LIG3: variants seen among roughly 807,000 people sequenced by gnomAD.
LIG3 encodes the protein DNA ligase 3.
In LIG3, 58 loss-of-function variants were observed where a neutral mutation model predicts 110.9. The ratio of observed to expected loss-of-function variants is 0.52; its 90% CI spans 0.42 to 0.65. The LOEUF is 0.65. LIG3 is among the 30% of genes least tolerant of loss of function. The pLI is 0.00. For synonymous variants in LIG3, 422 were observed against 472.8 expected, an observed-to-expected ratio of 0.89 and a Z score of 1.39; for missense variants, 1,094 against 1,273.8, an observed-to-expected ratio of 0.86 and a Z score of 2.15.
At chr17:35,004,247 C>T (rs1250651163) in intron 19 of LIG3, 26 bp from the exon 20 acceptor site, 2 of 1,589,002 alleles carry the variant, frequency 1.3e-6, no homozygotes, top group South Asian at 1.1e-5. Context: ...AGGTCTGACC[C>T]CACCCTGACC....
At position 34,989,762 on chromosome 17, in the gene LIG3, T is replaced by C. The variant is rs564692224; in HGVS notation, c.889+99T>C. The C allele has an allele frequency of 1.3e-5, 15 of 1,143,924 alleles. No individual in the cohort carries two copies. The East Asian group carries it at 3.3e-4, about 25-fold the overall frequency. The allele number at this position is 1,143,924 out of a possible 1,614,324, so 70.9% of individuals were successfully genotyped here. ...AGCTGTATAGTTGCCCGGGATCCCA[T>C]GCTTGGTTTAATGCTGTACTGTAGT... On this transcript the variant is annotated intron_variant, in intron 4 of 19. Coordinates refer to ENST00000378526, the MANE Select transcript of LIG3 (RefSeq NM_013975.4).
chr17:34,995,363 T>C (rs1352013048), intron 9 of LIG3, among the ~76,000 whole-genome samples: 3 of 152,200 alleles, frequency 2.0e-5, no homozygotes, highest in African/African-American at 4.8e-5. Flanking sequence ...TCTGGTGAGG[T>C]TGGTGTTAAA....
chr17:34,991,052 G>C lies in LIG3; in HGVS notation c.979G>C (p.Val327Leu), dbSNP rs141783152. 207 of 1,614,080 alleles carry C rather than the reference G, an allele frequency of 1.3e-4. No homozygotes were observed. The highest frequency in any genetic ancestry group is 6.6e-4 in the Middle Eastern group (4 of 6,084). The change falls in exon 5 of 20, where the codon GTG becomes CTG. Residue 327 changes from valine (V) to leucine (L), a missense_variant. By Grantham distance (32) the Val-to-Leu change is conservative (BLOSUM62 1). Transcript: ENST00000378526. ...TVYNLNDKQI[V>L]KLFSRIFNCN... ...TTACAACTTGAACGATAAGCAGATTGTGAAGCTTTTCAGTCGCATTTTTAA... is the reference window on the plus strand; with the variant it reads ...TTACAACTTGAACGATAAGCAGATTCTGAAGCTTTTCAGTCGCATTTTTAA...
chr17:34,999,009 T>C (rs540444167), intron 14 of LIG3: 2 of 504,982 alleles, frequency 4.0e-6, no homozygotes, highest in East Asian at 6.3e-5. Flanking sequence ...AAAATCTCTT[T>C]CCTGACTGGA....
chr17:34,990,696 T>C (rs2090710098), intron 4 of LIG3, among the ~76,000 whole-genome samples: 1 of 152,232 alleles, frequency 6.6e-6, no homozygotes, highest in Admixed American at 6.5e-5. Context: ...CCTCCTGAGC[T>C]AAAGCAACCC....
At chr17:34,992,093 A>C in intron 7 of LIG3, 58 bp downstream of exon 7, 1 of 1,492,636 alleles carries the variant, frequency 6.7e-7, no homozygotes. Context: ...GTTTGTTCCC[A>C]ACTGGTGTCA....
Position 35,006,571 on chromosome 17 carries a change from A to G in LIG3, c.*2065A>G, listed in dbSNP as rs547124436. 23 of 152,374 alleles carry G rather than the reference A, an allele frequency of 1.5e-4. No individual in the cohort carries two copies. The highest frequency in any genetic ancestry group is 4.6e-4 in the African/African-American group (19 of 41,574). The allele number at this position is 152,374 out of a possible 1,614,324, so 9.4% of individuals were successfully genotyped here. On this transcript the variant is annotated 3_prime_UTR_variant, in exon 20 of 20. Transcript: ENST00000378526. ...GTTGGGAACGTCACTCCTGGTGTGC[A>G]TGTCCAGACCCTACCCGGGAGAAGG... is the stretch of plus-strand genomic sequence containing the variant.
intron 3 of LIG3, among the ~76,000 whole-genome samples, chr17:34,986,524 G>A (rs1231307174): frequency 3.3e-5 from 5 of 152,216 alleles, no homozygotes; most frequent in South Asian, 4.1e-4. Flanking sequence ...GTTTCGCCAC[G>A]TTGGCCAGGC....
At position 34,998,585 on chromosome 17, in the gene LIG3, CTCTT is replaced by C. The variant is rs147265750; in HGVS notation, c.1990-17_1990-14del. 7,682 of 1,613,422 alleles carry C rather than the reference CTCTT, an allele frequency of 4.8e-3. 300 individuals are homozygous for C. The East Asian group carries it at 0.091, about 19-fold the overall frequency. ...GAGTTGCCTTTCTATTCTGTGGTCTCTCTTTTGCTTCCCTTCAGGGTACATATGA... is the reference window on the plus strand; with the variant it reads ...GAGTTGCCTTTCTATTCTGTGGTCTCTTGCTTCCCTTCAGGGTACATATGA... On this transcript the variant is annotated splice_polypyrimidine_tract_variant and intron_variant, in intron 13 of 19. Transcript: ENST00000378526.
chr17:34,981,858 T>C (rs1010749401), intron 1 of LIG3, among the ~76,000 whole-genome samples: 5 of 152,238 alleles, frequency 3.3e-5, no homozygotes, highest in African/African-American at 1.2e-4. Context: ...TGATATAATC[T>C]TTTTCCATTT....
chr17:34,995,189 C>T (rs1305920538), intron 9 of LIG3, among the ~76,000 whole-genome samples: 1 of 152,168 alleles, frequency 6.6e-6, no homozygotes, highest in Non-Finnish European at 1.5e-5. Flanking sequence ...GTTGTGTGGC[C>T]TGTGCTTACC....
rs1390467887 is a variant in LIG3 at position 35,006,802 on chromosome 17, G to C, written c.*2296G>C. ...AAGATCAAGGACCACTGCGCCCCCT[G>C]GCCACCCCACCGCCCCCCCCCAACT... On this transcript the variant is annotated 3_prime_UTR_variant, in exon 20 of 20. Transcript: ENST00000378526. The C allele has an allele frequency of 6.7e-6, 1 of 149,520 alleles. No individual in the cohort carries two copies. Among genetic ancestry groups the C allele is most frequent in the Non-Finnish European group, 1.5e-5 (1 of 67,986 alleles). The allele number at this position is 149,520 out of a possible 1,614,324, so 9.3% of individuals were successfully genotyped here.
In LIG3 at chr17:34,983,203, A is replaced by G. The variant is rs1306244218; in HGVS notation, c.198A>G (p.Ser66=). 2 of 1,614,210 alleles carry G rather than the reference A, an allele frequency of 1.2e-6. No homozygotes were observed. The highest frequency in any genetic ancestry group is 2.2e-5 in the East Asian group (1 of 44,890). The change falls in exon 2 of 20, where the codon TCA becomes TCG. Residue 66 remains serine (S), a synonymous_variant. Transcript: ENST00000378526. The part of the protein sequence containing the change: ...VLSFQGSHLR[S]RATYLVFLPG... ...CATTCCAGGGAAGCCATCTAAGATC[A>G]CGTGCCACCTACCTTGTTTTCTTGC...
At chr17:34,998,483 T>C (rs1354603243) in intron 13 of LIG3, 121 bp from the exon 14 acceptor site, 3 of 1,299,566 alleles carry the variant, frequency 2.3e-6, no homozygotes, top group Non-Finnish European at 3.3e-6. Context: ...GCCTGGAGCC[T>C]GAGGGCTCTT....
In LIG3 at chr17:34,982,383, G is replaced by A. The variant is rs192946845; in HGVS notation, c.-4-619G>A. Among the ~76,000 whole-genome samples, 7 of 152,294 alleles carry A rather than the reference G, an allele frequency of 4.6e-5. No homozygotes were observed. In the East Asian group the frequency reaches 9.6e-4, roughly 21 times the overall value. ...TTCAGGGCCAGGCACGGTGGCTCATGTCTGTAATCCCAGCACTTTGGGAGG... is the reference window on the plus strand; with the variant it reads ...TTCAGGGCCAGGCACGGTGGCTCATATCTGTAATCCCAGCACTTTGGGAGG... On this transcript the variant is annotated intron_variant, in intron 1 of 19. Coordinates refer to ENST00000378526, the MANE Select transcript of LIG3 (RefSeq NM_013975.4).
Position 35,004,042 on chromosome 17 carries a change from T to G in LIG3, c.2797-231T>G. 3 of 539,142 alleles carry G rather than the reference T, an allele frequency of 5.6e-6. No individual in the cohort carries two copies. In the Admixed American group the frequency reaches 9.6e-5, roughly 17 times the overall value. The allele number at this position is 539,142 out of a possible 1,614,324, so 33.4% of individuals were successfully genotyped here. ...TCTTCCCATCTCCAGGTCCCAGATG[T>G]CGAGGCCTGTCCACTCTCCTTTTCC... On this transcript the variant is annotated intron_variant, in intron 19 of 19. Transcript: ENST00000378526.
chr17:34,988,507 T>C (rs2090683335), intron 3 of LIG3, among the ~76,000 whole-genome samples: 1 of 152,206 alleles, frequency 6.6e-6, no homozygotes, highest in African/African-American at 2.4e-5. Context: ...TAGTAATGGC[T>C]CTGCCACAAG....
Position 34,983,335 on chromosome 17 carries a change from A to G in LIG3, c.330A>G (p.Glu110=). The part of the protein sequence containing the change: ...RGTAGCKKCK[E]KIVKGVCRIG... ...CAGCTGGCTGCAAAAAATGCAAGGA[A>G]AAGATTGTGAAGGGCGTATGCCGAA... Residue 110 remains glutamate (E), a synonymous_variant, in exon 2 of 20, where the codon GAA becomes GAG. Coordinates refer to ENST00000378526, the MANE Select transcript of LIG3 (RefSeq NM_013975.4). The G allele has an allele frequency of 6.2e-7, 1 of 1,614,214 alleles. No homozygotes were observed. Among genetic ancestry groups the G allele is most frequent in the Non-Finnish European group, 8.5e-7 (1 of 1,180,038 alleles).
At chr17:34,996,469 T>C in intron 10 of LIG3, 105 bp from the exon 11 acceptor site, 3 of 971,426 alleles carry the variant, frequency 3.1e-6, no homozygotes, top group Non-Finnish European at 4.8e-6. Flanking sequence ...AATAGTACTT[T>C]TTCATCCGGT....
Sources: gnomAD v4.1 joint callset for allele counts (sites outside exome capture counted in the v4.1 genomes callset) on GRCh38, gnomAD v4.1.1 for gene constraint, MANE v1.5 for transcripts, NCBI Gene and HGNC (gene_info 2026-07-23, HGNC 2026-07-21) for gene names.